Variants in PTPRM observed in about 807,000 individuals in gnomAD.
PTPRM encodes receptor-type tyrosine-protein phosphatase mu.
Under a neutral mutation model 186.7 loss-of-function variants are expected in PTPRM, and 47 were observed. The ratio of observed to expected loss-of-function variants is 0.25; its 90% CI spans 0.20 to 0.32. The LOEUF is 0.32. Ranked by LOEUF, PTPRM falls within the 10% of genes least tolerant of loss-of-function variation. The pLI is 1.00. For synonymous variants in PTPRM, 668 were observed against 674.9 expected (o/e 0.99, Z 0.16); for missense variants, 1,494 against 1,865.0 (o/e 0.80, Z 3.66).
At chr18:7,786,079 A>C (rs1411037455) in intron 2 of PTPRM, among the ~76,000 whole-genome samples, 8 of 152,256 alleles carry the variant, frequency 5.3e-5, no homozygotes, top group African/African-American at 1.9e-4. Flanking sequence ...GATTGTGCAG[A>C]TCATTATTTT....
chr18:8,218,858 A>C (rs1016730325), intron 14 of PTPRM, among the ~76,000 whole-genome samples: 4 of 152,218 alleles, frequency 2.6e-5, no homozygotes, highest in African/African-American at 9.6e-5. Context: ...CTACTTTTTC[A>C]GAACATGTTC....
chr18:7,975,723 G>A (rs540749743), intron 7 of PTPRM, among the ~76,000 whole-genome samples: 38 of 152,266 alleles, frequency 2.5e-4, no homozygotes, highest in Admixed American at 1.1e-3. Context: ...ACAGTATTCA[G>A]TACAGTAACA....
intron 14 of PTPRM, among the ~76,000 whole-genome samples, chr18:8,224,239 C>G (rs1021437490): frequency 1.3e-5 from 2 of 152,160 alleles, no homozygotes; most frequent in Non-Finnish European, 2.9e-5. Context: ...AATCATGCAA[C>G]TGCCACCTGA....
chr18:8,249,090 C>T lies in PTPRM; in HGVS notation c.2554+914C>T, dbSNP rs376862108. Among the ~76,000 whole-genome samples the T allele has an allele frequency of 5.3e-5, 8 of 152,274 alleles. 1 individual carries two copies. The South Asian group carries it at 8.3e-4, about 16-fold the overall frequency. Reference sequence around the variant, plus strand: ...TTTCCGAAAAGGAGCACAACAAAAACGACTTCAAGGTATATAACAATTCAT... The same window carrying T: ...TTTCCGAAAAGGAGCACAACAAAAATGACTTCAAGGTATATAACAATTCAT... On this transcript the variant is annotated intron_variant, in intron 17 of 32. Transcript: ENST00000580170.
intron 21 of PTPRM, among the ~76,000 whole-genome samples, chr18:8,316,509 G>C (rs1292724338): frequency 6.6e-6 from 1 of 152,166 alleles, no homozygotes; most frequent in East Asian, 1.9e-4. Context: ...TGTATTTTAA[G>C]AGAGAAGAGC....
chr18:8,339,697 A>T (rs2148231368), intron 22 of PTPRM, among the ~76,000 whole-genome samples: 1 of 152,216 alleles, frequency 6.6e-6, no homozygotes, highest in Non-Finnish European at 1.5e-5. Context: ...CTCCCTGTGT[A>T]CCAGGCTCAC....
intron 14 of PTPRM, among the ~76,000 whole-genome samples, chr18:8,178,653 G>A (rs762812904): frequency 6.6e-6 from 1 of 151,994 alleles, no homozygotes; most frequent in Admixed American, 6.6e-5. Context: ...TGGGCATGGT[G>A]GTATGTGCCT....
At chr18:7,782,020 A>G (rs922981839) in intron 2 of PTPRM, among the ~76,000 whole-genome samples, 2 of 152,210 alleles carry the variant, frequency 1.3e-5, no homozygotes, top group African/African-American at 4.8e-5. Flanking sequence ...CAGCTTTTAT[A>G]TGGTGAATGA....
intron 19 of PTPRM, among the ~76,000 whole-genome samples, chr18:8,286,882 A>G (rs1196681020): frequency 6.6e-6 from 1 of 152,128 alleles, no homozygotes; most frequent in African/African-American, 2.4e-5. Flanking sequence ...GGGTTTTATA[A>G]ATTAATAGGT....
intron 14 of PTPRM, among the ~76,000 whole-genome samples, chr18:8,152,471 A>T (rs1343879692): frequency 6.6e-6 from 1 of 152,100 alleles, no homozygotes; most frequent in East Asian, 1.9e-4. Context: ...AGCTGTGCGC[A>T]TCCCTGGTCT....
intron 2 of PTPRM, among the ~76,000 whole-genome samples, chr18:7,827,046 G>C (rs1036773209): frequency 1.3e-5 from 2 of 152,202 alleles, no homozygotes; most frequent in Non-Finnish European, 2.9e-5. Context: ...AGGCTGCAGT[G>C]AGCTGTGATC....
chr18:8,113,880 G>A (rs1210868554), intron 12 of PTPRM, 121 bp downstream of exon 12: 3 of 1,034,810 alleles, frequency 2.9e-6, no homozygotes, highest in Non-Finnish European at 4.0e-6. Context: ...GTAAACAAAT[G>A]TGATTTTCTT....
intron 7 of PTPRM, among the ~76,000 whole-genome samples, chr18:8,046,256 A>G (rs376779408): frequency 6.6e-6 from 1 of 152,328 alleles, no homozygotes; most frequent in African/African-American, 2.4e-5. Context: ...TAAATTATCC[A>G]GTCTCAGGTA....
At chr18:7,609,520 C>T (rs1016531937) in intron 1 of PTPRM, among the ~76,000 whole-genome samples, 1 of 139,366 alleles carries the variant, frequency 7.2e-6, no homozygotes, top group African/African-American at 2.7e-5. Flanking sequence ...TGCCTGTCTC[C>T]TTTTTTTTTT....
chr18:8,022,514 T>C (rs1193241228), intron 7 of PTPRM, among the ~76,000 whole-genome samples: 2 of 152,214 alleles, frequency 1.3e-5, no homozygotes, highest in Non-Finnish European at 2.9e-5. Context: ...GTTGTGAATC[T>C]GAATCTTGAA....
Position 7,779,240 on chromosome 18 carries a change from G to A in PTPRM, c.196+4969G>A, listed in dbSNP as rs373032135. 4.2e-4 allele frequency among the ~76,000 whole-genome samples: 64 copies of A among 152,314 alleles called. 1 individual carries two copies. The highest frequency in any genetic ancestry group is 6.8e-3 in the Middle Eastern group (2 of 294). On this transcript the variant is annotated intron_variant, in intron 2 of 32. Transcript: ENST00000580170. ...TGTAATTAAGTGAAAGTGGATATCA[G>A]TGTTGGGAAAACATAATTCTCTTAG... is the stretch of plus-strand genomic sequence containing the variant.
chr18:8,376,128 G>A lies in PTPRM; in HGVS notation c.3254G>A (p.Gly1085Asp), dbSNP rs769491567. The change falls in exon 25 of 33, where the codon GGC becomes GAC. Residue 1085 changes from glycine (G) to aspartate (D), a missense_variant. Coordinates refer to ENST00000580170, the MANE Select transcript of PTPRM (RefSeq NM_001105244.2). ...CATGGGGTCCCCTACCATGCCACCG[G>A]CCTGCTGGGATTCGTGCGGCAAGTC... ...PDHGVPYHAT[G>D]LLGFVRQVKS... 6.2e-7 allele frequency: 1 copy of A among 1,614,032 alleles called. No homozygotes were observed.
At chr18:8,072,808 A>G (rs1229369485) in intron 8 of PTPRM, among the ~76,000 whole-genome samples, 3 of 152,208 alleles carry the variant, frequency 2.0e-5, no homozygotes, top group Admixed American at 2.0e-4. Context: ...TTTATATCCC[A>G]GATCCTGAAT....
intron 20 of PTPRM, among the ~76,000 whole-genome samples, chr18:8,301,377 T>A (rs1256906466): frequency 6.6e-6 from 1 of 152,074 alleles, no homozygotes; most frequent in African/African-American, 2.4e-5. Context: ...AGCATAGCCC[T>A]CCTAATACTC....
Sources: gnomAD v4.1 joint callset for allele counts (sites outside exome capture counted in the v4.1 genomes callset) on GRCh38, gnomAD v4.1.1 for gene constraint, MANE v1.5 for transcripts, NCBI Gene and HGNC (gene_info 2026-07-23, HGNC 2026-07-21) for gene names.